Variants in AGTR1 observed in about 807,000 individuals in gnomAD.
AGTR1 encodes type-1 angiotensin II receptor.
A neutral mutation model predicts 19.4 loss-of-function variants in AGTR1; 16 were observed. The observed-to-expected ratio is 0.82, with a 90% CI of 0.56 to 1.25. The LOEUF is 1.25. AGTR1 is among the 50% of genes most tolerant of loss of function. The pLI is 0.00. For missense variants in AGTR1, 373 were observed against 431.9 expected (o/e 0.86, Z 1.21); for synonymous variants, 153 against 154.9 (o/e 0.99, Z 0.09).
In AGTR1 at chr3:148,741,019, C is replaced by T. The variant is rs376789057; in HGVS notation, c.-17C>T. 363 of 1,613,332 alleles carry T rather than the reference C, an allele frequency of 2.2e-4. 2 individuals carry two copies. Among genetic ancestry groups the T allele is most frequent in the Middle Eastern group, 4.9e-4 (3 of 6,082 alleles). ...TTTGATATAGTGTTTGCAACAAATT[C>T]GACCCAGGTGATCAAAATGATTCTC... On this transcript the variant is annotated 5_prime_UTR_variant, in exon 3 of 3. Coordinates refer to ENST00000349243, the MANE Select transcript of AGTR1 (RefSeq NM_000685.5).
At position 148,741,764 on chromosome 3, in the gene AGTR1, G is replaced by C. The variant is rs752880266; in HGVS notation, c.729G>C (p.Met243Ile). 6.2e-7 allele frequency: 1 copy of C among 1,613,378 alleles called. No homozygotes were observed. The highest frequency in any genetic ancestry group is 1.7e-5 in the Admixed American group (1 of 60,012). ...ATGATGATATTTTTAAGATAATTAT[G>C]GCAATTGTGCTTTTCTTTTTCTTTT... ...PRNDDIFKII[M>I]AIVLFFFFSW... The change falls in exon 3 of 3, where the codon ATG becomes ATC. Residue 243 changes from methionine to isoleucine, a missense_variant. Physicochemically the swap from Met to Ile is conservative, Grantham distance 10. Transcript: ENST00000349243.
rs1345805509 is a variant in AGTR1, at chr3:148,742,160, C to G, written c.*45C>G. On this transcript the variant is annotated 3_prime_UTR_variant, in exon 3 of 3. Coordinates refer to ENST00000349243, the MANE Select transcript of AGTR1 (RefSeq NM_000685.5). Reference sequence around the variant, plus strand: ...TAAAGTAATTTTGTGAAAGAAGGAGCAAGAGAACATTCCTCTGCAGCACTT... The same window carrying G: ...TAAAGTAATTTTGTGAAAGAAGGAGGAAGAGAACATTCCTCTGCAGCACTT... 1.9e-6 allele frequency: 3 copies of G among 1,605,772 alleles called. No individual in the cohort carries two copies. Among genetic ancestry groups the G allele is most frequent in the Non-Finnish European group, 2.6e-6 (3 of 1,172,646 alleles).
At chr3:148,712,759 C>T (rs1375288069) in intron 2 of AGTR1, among the ~76,000 whole-genome samples, 1 of 152,112 alleles carries the variant, frequency 6.6e-6, no homozygotes, top group African/African-American at 2.4e-5. Context: ...ATGTGATATA[C>T]AAAATTATTG....
chr3:148,728,725 A>T (rs1372140914), intron 2 of AGTR1, among the ~76,000 whole-genome samples: 1 of 152,240 alleles, frequency 6.6e-6, no homozygotes, highest in African/African-American at 2.4e-5. Context: ...AGCTTCACCT[A>T]TCTGGCAGGA....
intron 2 of AGTR1, among the ~76,000 whole-genome samples, chr3:148,739,467 T>G (rs1299028044): frequency 6.6e-6 from 1 of 152,208 alleles, no homozygotes; most frequent in East Asian, 1.9e-4. Flanking sequence ...AACACCTGTT[T>G]GTGGATACTA....
intron 1 of AGTR1, among the ~76,000 whole-genome samples, chr3:148,699,794 C>G (rs760743683): frequency 1.3e-5 from 2 of 152,192 alleles, no homozygotes; most frequent in African/African-American, 4.8e-5. Flanking sequence ...GTTACCCACT[C>G]TCTCTCCCCG....
chr3:148,700,516 C>G (rs116624395), intron 1 of AGTR1, among the ~76,000 whole-genome samples: 1 of 152,110 alleles, frequency 6.6e-6, no homozygotes, highest in Non-Finnish European at 1.5e-5. Flanking sequence ...CTGCTTAATG[C>G]GAGCTCCTGC....
At position 148,714,025 on chromosome 3, in the gene AGTR1, A is replaced by C. The variant is rs1713147807; in HGVS notation, c.-48+5998A>C. Among the ~76,000 whole-genome samples the C allele has an allele frequency of 2.6e-5, 4 of 152,318 alleles. No individual in the cohort carries two copies. In the South Asian group the frequency reaches 6.2e-4, roughly 24 times the overall value. On this transcript the variant is annotated intron_variant, in intron 2 of 2. Coordinates refer to ENST00000349243, the MANE Select transcript of AGTR1 (RefSeq NM_000685.5). ...TTCTTCCCTTTGCCTCTAGAATAAGAATATCAAAGAAATGTCATGATGATA... is the reference window on the plus strand; with the variant it reads ...TTCTTCCCTTTGCCTCTAGAATAAGCATATCAAAGAAATGTCATGATGATA...
intron 2 of AGTR1, chr3:148,739,853 G>T (rs1048828741): frequency 8.1e-7 from 1 of 1,231,804 alleles, no homozygotes. Flanking sequence ...ACCTGCTCCT[G>T]GTAGAGCAAT....
At chr3:148,729,841 C>A (rs1714154234) in intron 2 of AGTR1, among the ~76,000 whole-genome samples, 1 of 152,258 alleles carries the variant, frequency 6.6e-6, no homozygotes, top group East Asian at 1.9e-4. Flanking sequence ...CAGTCTGGTC[C>A]AAGCAGCCTC....
intron 2 of AGTR1, among the ~76,000 whole-genome samples, chr3:148,729,802 C>T (rs1471353592): frequency 6.6e-6 from 1 of 152,012 alleles, no homozygotes; most frequent in East Asian, 1.9e-4. Flanking sequence ...TTATGTAATA[C>T]TCAAAAGGAA....
chr3:148,715,822 T>G (rs1344515261), intron 2 of AGTR1, among the ~76,000 whole-genome samples: 1 of 152,184 alleles, frequency 6.6e-6, no homozygotes, highest in Non-Finnish European at 1.5e-5. Flanking sequence ...CTTGTATTCA[T>G]ATATACATGT....
chr3:148,727,394 G>C (rs960006168), intron 2 of AGTR1, among the ~76,000 whole-genome samples: 4 of 152,184 alleles, frequency 2.6e-5, no homozygotes, highest in Admixed American at 6.5e-5. Flanking sequence ...GAAGGATACA[G>C]ATCGATGCCC....
At chr3:148,714,294 G>A (rs1713164779) in intron 2 of AGTR1, among the ~76,000 whole-genome samples, 1 of 152,118 alleles carries the variant, frequency 6.6e-6, no homozygotes, top group African/African-American at 2.4e-5. Flanking sequence ...TGGATGGCAT[G>A]GAAAATGGAA....
At chr3:148,701,423 C>T (rs1470327289) in intron 1 of AGTR1, among the ~76,000 whole-genome samples, 1 of 152,160 alleles carries the variant, frequency 6.6e-6, no homozygotes, top group East Asian at 1.9e-4. Flanking sequence ...ATATGAAAAT[C>T]AAAATTGTCT....
intron 2 of AGTR1, among the ~76,000 whole-genome samples, chr3:148,726,383 A>G (rs1320200813): frequency 6.6e-6 from 1 of 151,876 alleles, no homozygotes; most frequent in Non-Finnish European, 1.5e-5. Flanking sequence ...TAATTTTTGT[A>G]TTTTTAGTAG....
chr3:148,701,521 G>A (rs1379313867), intron 1 of AGTR1, among the ~76,000 whole-genome samples: 1 of 152,142 alleles, frequency 6.6e-6, no homozygotes, highest in Admixed American at 6.5e-5. Flanking sequence ...AGAAGGGTTT[G>A]AATTTGTTTT....
chr3:148,739,635 G>A (rs1007879584), intron 2 of AGTR1, among the ~76,000 whole-genome samples: 6 of 152,210 alleles, frequency 3.9e-5, no homozygotes, highest in Non-Finnish European at 8.8e-5. Flanking sequence ...CTTCACATGT[G>A]TTATGTCTTA....
chr3:148,741,764 G>A lies in AGTR1; in HGVS notation c.729G>A (p.Met243Ile). Residue 243 changes from methionine to isoleucine, a missense_variant, in exon 3 of 3, where the codon ATG (methionine) becomes ATA (isoleucine). By Grantham distance (10) the Met-to-Ile change is conservative (BLOSUM62 1). Coordinates refer to ENST00000349243, the MANE Select transcript of AGTR1 (RefSeq NM_000685.5). ...ATGATGATATTTTTAAGATAATTAT[G>A]GCAATTGTGCTTTTCTTTTTCTTTT... The part of the protein sequence containing the change: ...PRNDDIFKII[M>I]AIVLFFFFSW... 1 of 1,613,378 alleles carries A rather than the reference G, an allele frequency of 6.2e-7. No homozygotes were observed. The highest frequency in any genetic ancestry group is 1.1e-5 in the South Asian group (1 of 91,060).
Sources: gnomAD v4.1 joint callset for allele counts (sites outside exome capture counted in the v4.1 genomes callset) on GRCh38, gnomAD v4.1.1 for gene constraint, MANE v1.5 for transcripts, NCBI Gene and HGNC (gene_info 2026-07-23, HGNC 2026-07-21) for gene names.